Variants in MACROD2 observed in about 807,000 individuals in gnomAD.
MACROD2 encodes ADP-ribose glycohydrolase MACROD2.
MACROD2 carries 36 observed loss-of-function variants against 70.4 expected under a neutral mutation model. That is an observed-to-expected ratio of 0.51 (90% confidence interval 0.39 to 0.68). The LOEUF (loss-of-function observed/expected upper bound fraction) is 0.68, where lower values mean the gene tolerates loss of function less well. Ranked by LOEUF, MACROD2 falls within the 30% of genes least tolerant of loss-of-function variation. The pLI is 0.00. For missense variants in MACROD2, 496 were observed against 538.4 expected, an observed-to-expected ratio of 0.92 and a Z score of 0.78; for synonymous variants, 172 against 178.8, an observed-to-expected ratio of 0.96 and a Z score of 0.30.
At chr20:14,157,436 A>G (rs1031124702) in intron 3 of MACROD2, among the ~76,000 whole-genome samples, 2 of 152,128 alleles carry the variant, frequency 1.3e-5, no homozygotes, top group African/African-American at 4.8e-5. Context: ...ATTGAAATAT[A>G]TAACAGATTG....
intron 4 of MACROD2, among the ~76,000 whole-genome samples, chr20:14,650,103 A>G (rs927165335): frequency 2.6e-5 from 4 of 152,164 alleles, no homozygotes; most frequent in African/African-American, 4.8e-5. Flanking sequence ...ACATCCTACT[A>G]TCAATCTGAG....
At chr20:14,535,440 G>A (rs1048721395) in intron 4 of MACROD2, among the ~76,000 whole-genome samples, 1 of 140,788 alleles carries the variant, frequency 7.1e-6, no homozygotes, top group Non-Finnish European at 1.5e-5. Flanking sequence ...AGGAGGCAGA[G>A]GTTGCAGTGA....
chr20:14,963,954 A>T (rs2074607619), intron 5 of MACROD2, among the ~76,000 whole-genome samples: 1 of 152,198 alleles, frequency 6.6e-6, no homozygotes. Context: ...GCAATAAATT[A>T]CAGTTTTTTG....
intron 4 of MACROD2, among the ~76,000 whole-genome samples, chr20:14,505,126 A>C (rs1569998): frequency 0.19 from 28,410 of 152,230 alleles, 2,814 homozygotes; most frequent in Non-Finnish European, 0.21. Context: ...TATAAAATTC[A>C]GTTCTGTTTT....
At chr20:15,380,659 T>G (rs1370986188) in intron 6 of MACROD2, among the ~76,000 whole-genome samples, 7 of 152,178 alleles carry the variant, frequency 4.6e-5, no homozygotes, top group Non-Finnish European at 1.0e-4. Context: ...CAACTCTGTT[T>G]TTGATAACAT....
chr20:14,948,326 G>A (rs188479112), intron 5 of MACROD2, among the ~76,000 whole-genome samples: 323 of 152,284 alleles, frequency 2.1e-3, no homozygotes, highest in African/African-American at 7.3e-3. Context: ...TGAAACAGCT[G>A]CCTTCACCTT....
chr20:14,666,602 G>T (rs151302899), intron 4 of MACROD2, among the ~76,000 whole-genome samples: 140 of 152,004 alleles, frequency 9.2e-4, no homozygotes, highest in Middle Eastern at 3.4e-3. Flanking sequence ...TTAAAACAGA[G>T]ATTTCATACA....
intron 10 of MACROD2, among the ~76,000 whole-genome samples, chr20:15,901,155 G>A (rs2065057839): frequency 6.6e-6 from 1 of 151,966 alleles, no homozygotes; most frequent in Non-Finnish European, 1.5e-5. Context: ...TTTCCCTTAG[G>A]TTCACTCAGC....
At chr20:14,559,991 ACCT>A (rs1324198389) in intron 4 of MACROD2, among the ~76,000 whole-genome samples, 1 of 151,338 alleles carries the variant, frequency 6.6e-6, no homozygotes, top group African/African-American at 2.4e-5. Context: ...CTTTGTTTTG[ACCT>A]CCTGAATGTG....
intron 6 of MACROD2, among the ~76,000 whole-genome samples, chr20:15,387,827 T>C (rs1005686474): frequency 2.0e-5 from 3 of 150,798 alleles, no homozygotes; most frequent in Admixed American, 6.7e-5. Context: ...AGCCTTGAAC[T>C]CCAGCCTCAA....
At chr20:15,143,398 G>C (rs1243325079) in intron 5 of MACROD2, among the ~76,000 whole-genome samples, 1 of 152,118 alleles carries the variant, frequency 6.6e-6, no homozygotes, top group African/African-American at 2.4e-5. Context: ...GTTCTTTGTA[G>C]ATTCTGGATA....
chr20:14,174,967 G>A (rs546397253), intron 3 of MACROD2, among the ~76,000 whole-genome samples: 1 of 152,308 alleles, frequency 6.6e-6, no homozygotes, highest in South Asian at 2.1e-4. Context: ...CTCAGTGAGA[G>A]TGTGTGTTCC....
At chr20:15,337,556 A>T (rs2078061802) in intron 6 of MACROD2, among the ~76,000 whole-genome samples, 3 of 151,820 alleles carry the variant, frequency 2.0e-5, no homozygotes, top group African/African-American at 7.3e-5. Context: ...TTTACATTGT[A>T]GAATGGGTTA....
chr20:15,108,033 T>C (rs1295397504), intron 5 of MACROD2, among the ~76,000 whole-genome samples: 2 of 151,676 alleles, frequency 1.3e-5, no homozygotes, highest in African/African-American at 4.8e-5. Flanking sequence ...AATCAATCAC[T>C]TACTAGAAGG....
chr20:15,570,476 A>G (rs946024372), intron 8 of MACROD2, among the ~76,000 whole-genome samples: 2 of 152,194 alleles, frequency 1.3e-5, no homozygotes, highest in African/African-American at 4.8e-5. Flanking sequence ...TTAGTTATGA[A>G]CGACTGAGAA....
chr20:15,193,524 T>G (rs1568627617), intron 5 of MACROD2, among the ~76,000 whole-genome samples: 1 of 152,052 alleles, frequency 6.6e-6, no homozygotes, highest in Non-Finnish European at 1.5e-5. Context: ...GGCACACACC[T>G]GTAGTCCCAG....
intron 5 of MACROD2, among the ~76,000 whole-genome samples, chr20:15,071,665 G>A (rs1261037148): frequency 6.6e-6 from 1 of 152,062 alleles, no homozygotes; most frequent in Non-Finnish European, 1.5e-5. Flanking sequence ...ACAAGTCTAT[G>A]TTTTTAGACA....
rs907023211 is a variant in MACROD2, at chr20:14,257,601, A to G, written c.271+171873A>G. Among the ~76,000 whole-genome samples the G allele has an allele frequency of 3.3e-5, 5 of 152,296 alleles. No individual in the cohort carries two copies. In the East Asian group the frequency reaches 9.6e-4, roughly 29 times the overall value. ...TACTTAAAAATCTGAGGTACCCCACATGGTGGCCTCATAACCCAATTAAGA... is the reference window on the plus strand; with the variant it reads ...TACTTAAAAATCTGAGGTACCCCACGTGGTGGCCTCATAACCCAATTAAGA... On this transcript the variant is annotated intron_variant, in intron 3 of 17. Coordinates refer to ENST00000684519, the MANE Select transcript of MACROD2 (RefSeq NM_001351661.2).
chr20:15,125,860 C>A (rs1402147774), intron 5 of MACROD2, among the ~76,000 whole-genome samples: 1 of 151,782 alleles, frequency 6.6e-6, no homozygotes, highest in Non-Finnish European at 1.5e-5. Context: ...TCTCTTCCCC[C>A]CTGTCTTCTG....
Sources: allele counts gnomAD v4.1 joint callset (sites outside exome capture counted in the v4.1 genomes callset), GRCh38; gene constraint gnomAD v4.1.1; transcripts MANE v1.5; gene names NCBI Gene and HGNC (gene_info 2026-07-23, HGNC 2026-07-21).